IMMP2L: variants seen among roughly 807,000 people sequenced by gnomAD.
IMMP2L encodes the protein mitochondrial inner membrane protease subunit 2.
IMMP2L carries 18 observed loss-of-function variants against 19.3 expected under a neutral mutation model. The observed-to-expected ratio is 0.93, with a 90% CI of 0.64 to 1.38. The LOEUF (loss-of-function observed/expected upper bound fraction) is 1.38. Among genes scored for constraint, IMMP2L ranks in the 40% most tolerant of loss-of-function variants. IMMP2L has a pLI of 0.00. For synonymous variants in IMMP2L, 76 were observed against 73.0 expected (o/e 1.04, Z -0.21); for missense variants, 233 against 218.2 (o/e 1.07, Z -0.43).
Position 111,042,216 on chromosome 7 carries a change from A to C in IMMP2L, c.240-78651T>G, listed in dbSNP as rs75142520. Among the ~76,000 whole-genome samples the C allele has an allele frequency of 6.4e-3, 969 of 152,112 alleles. 38 individuals carry two copies. The highest frequency in any genetic ancestry group is 0.055 in the East Asian group (285 of 5,160). ...TTTTTTTGAGACTGAGTCTCGCTCC[A>C]TGGTCCAGGCTGGAGTGCAGTGGCA... On this transcript the variant is annotated intron_variant, in intron 3 of 5. Coordinates refer to ENST00000405709, the MANE Select transcript of IMMP2L (RefSeq NM_032549.4).
intron 5 of IMMP2L, among the ~76,000 whole-genome samples, chr7:110,756,981 G>A (rs538030533): frequency 1.3e-5 from 2 of 151,902 alleles, no homozygotes; most frequent in Middle Eastern, 3.2e-3. Context: ...CATATTTATT[G>A]TATTTACTAT....
intron 4 of IMMP2L, among the ~76,000 whole-genome samples, chr7:110,900,016 A>G (rs563658976): frequency 6.6e-6 from 1 of 152,350 alleles, no homozygotes; most frequent in African/African-American, 2.4e-5. Context: ...TTCCATTCAG[A>G]TAGGAAGAGC....
chr7:111,370,925 T>G (rs1830207813), intron 3 of IMMP2L, among the ~76,000 whole-genome samples: 1 of 151,960 alleles, frequency 6.6e-6, no homozygotes, highest in African/African-American at 2.4e-5. Context: ...TACCTGGTGT[T>G]TTTCAGCCTC....
At chr7:111,127,699 T>C (rs1384275154) in intron 3 of IMMP2L, among the ~76,000 whole-genome samples, 1 of 152,176 alleles carries the variant, frequency 6.6e-6, no homozygotes, top group East Asian at 1.9e-4. Flanking sequence ...TGATATGATA[T>C]GGATGTTCTT....
chr7:110,693,444 A>C (rs1322311525), intron 5 of IMMP2L, among the ~76,000 whole-genome samples: 1 of 152,230 alleles, frequency 6.6e-6, no homozygotes, highest in African/African-American at 2.4e-5. Context: ...TCCAGGTGAC[A>C]CATTACACAA....
At chr7:111,209,396 C>CAAAA (rs368679362) in intron 3 of IMMP2L, among the ~76,000 whole-genome samples, 5 of 88,550 alleles carry the variant, frequency 5.6e-5, no homozygotes, top group Non-Finnish European at 8.4e-5. Context: ...GACTCCTTCT[C>CAAAA]AAAAAAAAAA....
At chr7:110,909,747 A>T (rs1679291120) in intron 4 of IMMP2L, among the ~76,000 whole-genome samples, 1 of 152,034 alleles carries the variant, frequency 6.6e-6, no homozygotes, top group African/African-American at 2.4e-5. Flanking sequence ...TAGCCGTTTC[A>T]TCCATCTCTA....
chr7:110,949,509 G>A (rs1435494973), intron 4 of IMMP2L, among the ~76,000 whole-genome samples: 1 of 152,082 alleles, frequency 6.6e-6, no homozygotes, highest in Non-Finnish European at 1.5e-5. Flanking sequence ...AGATAATATA[G>A]CCCACAGGTC....
At chr7:111,476,024 GTTGAACTTCCT>G (rs1841691747) in intron 3 of IMMP2L, among the ~76,000 whole-genome samples, 1 of 152,022 alleles carries the variant, frequency 6.6e-6, no homozygotes, top group Middle Eastern at 3.2e-3. Context: ...TAATTCTTAT[GTTGAACTTCCT>G]AACAATTCCA....
chr7:111,125,817 CTTTTTTT>C (rs1217257175), intron 3 of IMMP2L, among the ~76,000 whole-genome samples: 3 of 100,168 alleles, frequency 3.0e-5, no homozygotes, highest in East Asian at 6.1e-4. Flanking sequence ...AGGCCGCTTG[CTTTTTTT>C]TTTTTTTTTT....
chr7:110,720,712 C>G (rs1385903364), intron 5 of IMMP2L, among the ~76,000 whole-genome samples: 1 of 152,168 alleles, frequency 6.6e-6, no homozygotes, highest in Non-Finnish European at 1.5e-5. Flanking sequence ...GAATATAACC[C>G]TTGGAGACTC....
At chr7:110,819,384 T>C (rs549712401) in intron 5 of IMMP2L, among the ~76,000 whole-genome samples, 15 of 152,166 alleles carry the variant, frequency 9.9e-5, no homozygotes, top group South Asian at 2.1e-4. Flanking sequence ...TTACCCTACA[T>C]GAACTGTGAT....
rs373324637 is a variant in IMMP2L at position 111,516,858 on chromosome 7, AG to A, written c.135+4454del. Among the ~76,000 whole-genome samples, 70 of 152,256 alleles carry A rather than the reference AG, an allele frequency of 4.6e-4. No individual in the cohort carries two copies. In the East Asian group the frequency reaches 0.013, roughly 29 times the overall value. ...TTAAATCCTGACTTCCTTTGACGTC[AG>A]CCCCAGCAGACCAAGGTGAGTGACG... is the stretch of plus-strand genomic sequence containing the variant. On this transcript the variant is annotated intron_variant, in intron 2 of 5. Coordinates refer to ENST00000405709, the MANE Select transcript of IMMP2L (RefSeq NM_032549.4).
intron 5 of IMMP2L, among the ~76,000 whole-genome samples, chr7:110,753,397 G>C (rs1163086239): frequency 6.6e-6 from 1 of 151,934 alleles, no homozygotes; most frequent in East Asian, 1.9e-4. Flanking sequence ...TGGAGACCAG[G>C]TTTACTTTCA....
chr7:111,289,176 C>T (rs543042923), intron 3 of IMMP2L, among the ~76,000 whole-genome samples: 3 of 151,964 alleles, frequency 2.0e-5, no homozygotes, highest in South Asian at 2.1e-4. Context: ...CAACAGAAAA[C>T]CAAACACCAC....
intron 3 of IMMP2L, among the ~76,000 whole-genome samples, chr7:111,034,684 T>C (rs1791161747): frequency 6.6e-6 from 1 of 152,132 alleles, no homozygotes; most frequent in South Asian, 2.1e-4. Flanking sequence ...GTATTTTATG[T>C]CTAATAATTT....
chr7:110,830,973 T>G (rs1803923579), intron 5 of IMMP2L, among the ~76,000 whole-genome samples: 1 of 152,178 alleles, frequency 6.6e-6, no homozygotes, highest in Non-Finnish European at 1.5e-5. Context: ...AAGTCAGAAC[T>G]GGCTGCTCTG....
At chr7:111,223,174 A>G (rs1723148697) in intron 3 of IMMP2L, among the ~76,000 whole-genome samples, 1 of 152,040 alleles carries the variant, frequency 6.6e-6, no homozygotes, top group Admixed American at 6.6e-5. Context: ...TTATGGAAAA[A>G]TGATCAGTAA....
chr7:111,115,585 G>A (rs981928902), intron 3 of IMMP2L, among the ~76,000 whole-genome samples: 9 of 151,974 alleles, frequency 5.9e-5, no homozygotes, highest in African/African-American at 2.2e-4. Flanking sequence ...AATTATAGCT[G>A]TACTATAACT....
Sources: allele counts gnomAD v4.1 joint callset (sites outside exome capture counted in the v4.1 genomes callset), GRCh38; gene constraint gnomAD v4.1.1; transcripts MANE v1.5; gene names NCBI Gene and HGNC (gene_info 2026-07-23, HGNC 2026-07-21).